The following PNP variants were observed in gnomAD, a reference collection of about 807,000 sequenced individuals.
PNP encodes the protein HEL-S-156an.
Under a neutral mutation model 26.8 loss-of-function variants are expected in PNP, and 18 were observed. The ratio of observed to expected loss-of-function variants is 0.67; its 90% CI spans 0.46 to 1.00. The LOEUF (loss-of-function observed/expected upper bound fraction) is 1.00, where lower values mean the gene tolerates loss of function less well. Among genes scored for constraint, PNP ranks in the 50% least tolerant of loss-of-function variants. The pLI, the probability that PNP is intolerant of heterozygous loss-of-function variation, is 0.00. For synonymous variants in PNP, 116 were observed against 124.8 expected (o/e 0.93, Z 0.47); for missense variants, 320 against 362.9 (o/e 0.88, Z 0.96).
At chr14:20,474,321 A>T in intron 2 of PNP, 151 bp from the exon 3 acceptor site, 2 of 704,102 alleles carry the variant, frequency 2.8e-6, no homozygotes, top group South Asian at 1.6e-5. Context: ...CACCAGACTT[A>T]AACTTTCTGA....
At chr14:20,470,488 G>A (rs1399618706) in intron 1 of PNP, 1 of 152,158 alleles carries the variant, frequency 6.6e-6, no homozygotes, top group Non-Finnish European at 1.5e-5. Flanking sequence ...CTGGTTTCCC[G>A]GGCTCTGCTT....
At position 20,475,265 on chromosome 14, in the gene PNP, A is replaced by G; in HGVS notation, c.652+13A>G. ...GCAGACGCTGTTGGTGAGAAGGGGA[A>G]TTTGGCTGGAAGCTTGAAGAGGGAG... On this transcript the variant is annotated intron_variant, in intron 5 of 5. Coordinates refer to ENST00000361505, the MANE Select transcript of PNP (RefSeq NM_000270.4). 6.2e-7 allele frequency: 1 copy of G among 1,608,662 alleles called. No individual in the cohort carries two copies. The highest frequency in any genetic ancestry group is 2.2e-5 in the East Asian group (1 of 44,752).
At chr14:20,472,075 C>G (rs1182493648) in intron 1 of PNP, among the ~76,000 whole-genome samples, 6 of 152,172 alleles carry the variant, frequency 3.9e-5, no homozygotes, top group African/African-American at 1.4e-4. Flanking sequence ...GCTTTATTAA[C>G]TTTTGCCAGG....
intron 1 of PNP, among the ~76,000 whole-genome samples, chr14:20,471,597 G>C (rs1881989784): frequency 6.6e-6 from 1 of 152,028 alleles, no homozygotes; most frequent in Admixed American, 6.6e-5. Context: ...TTTTTGTCTG[G>C]AATTAACCCC....
At chr14:20,470,525 C>T (rs931384937) in intron 1 of PNP, 2 of 152,164 alleles carry the variant, frequency 1.3e-5, no homozygotes, top group African/African-American at 4.8e-5. Flanking sequence ...CCTGTGAAAG[C>T]TTGGTTAGTT....
intron 3 of PNP, 46 bp from the exon 4 acceptor site, chr14:20,474,726 GA>G: frequency 6.2e-7 from 1 of 1,601,490 alleles, no homozygotes; most frequent in Non-Finnish European, 8.5e-7. Context: ...CAGTGTAGCT[GA>G]ATTAATGAAA....
Position 20,472,446 on chromosome 14 carries a change from C to G in PNP, c.150C>G (p.Tyr50Ter), listed in dbSNP as rs776910388. 6.2e-7 allele frequency: 1 copy of G among 1,614,014 alleles called. No individual in the cohort carries two copies. Among genetic ancestry groups the G allele is most frequent in the Non-Finnish European group, 8.5e-7 (1 of 1,179,904 alleles). ...DKLTQAQIFD[Y>*]GEIPNFPRST... ...TAACTCAGGCCCAGATCTTTGACTA[C>G]GGTGAAATCCCCAACTTTCCCCGAA... Residue 50 changes from tyrosine to a stop codon, truncating the protein, a stop_gained, in exon 2 of 6, where the codon TAC (tyrosine) becomes TAG (stop). Transcript: ENST00000361505. LOFTEE classifies it high-confidence loss of function.
intron 2 of PNP, 65 bp downstream of exon 2, chr14:20,472,542 C>A: frequency 1.4e-6 from 2 of 1,448,492 alleles, no homozygotes; most frequent in Non-Finnish European, 1.9e-6. Context: ...GGAACACAAC[C>A]AAGGAGGCCA....
chr14:20,472,849 AT>A (rs892480808), intron 2 of PNP: 134 of 241,428 alleles, frequency 5.6e-4, no homozygotes, highest in Middle Eastern at 1.6e-3. Context: ...AGAGTTAAGA[AT>A]TTTTTTTTAA....
At chr14:20,470,370 C>G (rs1881962523) in intron 1 of PNP, among the ~76,000 whole-genome samples, 1 of 152,226 alleles carries the variant, frequency 6.6e-6, no homozygotes. Context: ...TAACATTTTA[C>G]CAGCTTAATT....
Position 20,469,547 on chromosome 14 carries a change from A to C in PNP, c.11+12A>C. 6.4e-7 allele frequency: 1 copy of C among 1,554,738 alleles called. No homozygotes were observed. Among genetic ancestry groups the C allele is most frequent in the Non-Finnish European group, 8.7e-7 (1 of 1,149,284 alleles). On this transcript the variant is annotated intron_variant, in intron 1 of 5. Coordinates refer to ENST00000361505, the MANE Select transcript of PNP (RefSeq NM_000270.4). ...ACCATGGAGAACGGGTGAGGAGGGCACCAGGCCCGCAGGACCCTTGGGGAG... is the reference window on the plus strand; with the variant it reads ...ACCATGGAGAACGGGTGAGGAGGGCCCCAGGCCCGCAGGACCCTTGGGGAG...
At chr14:20,469,770 G>C in intron 1 of PNP, 1 of 639,178 alleles carries the variant, frequency 1.6e-6, no homozygotes, top group Non-Finnish European at 2.8e-6. Flanking sequence ...AGCAGGAAGG[G>C]GACAGGTCGG....
chr14:20,471,296 A>G (rs1451029381), intron 1 of PNP, among the ~76,000 whole-genome samples: 2 of 139,768 alleles, frequency 1.4e-5, no homozygotes, highest in African/African-American at 5.4e-5. Context: ...TGATCCGCCC[A>G]CCTCGGCCTC....
intron 1 of PNP, among the ~76,000 whole-genome samples, chr14:20,470,038 C>T (rs1382713986): frequency 1.3e-5 from 2 of 152,190 alleles, no homozygotes; most frequent in Non-Finnish European, 2.9e-5. Context: ...TCCCTTCCTT[C>T]CAGACTGGCA....
intron 1 of PNP, among the ~76,000 whole-genome samples, chr14:20,471,210 T>G (rs1387792788): frequency 6.9e-6 from 1 of 143,918 alleles, no homozygotes; most frequent in Non-Finnish European, 1.5e-5. Context: ...TTTTTTTTTT[T>G]TTTTTTTTTT....
intron 5 of PNP, among the ~76,000 whole-genome samples, 154 bp downstream of exon 5, chr14:20,475,406 A>G (rs17881184): frequency 3.3e-5 from 5 of 152,246 alleles, no homozygotes; most frequent in Admixed American, 3.3e-4. Flanking sequence ...CAAACTGGTG[A>G]GATTTGGTGT....
Position 20,477,062 on chromosome 14 carries a change from TGTC to T in PNP, c.*462_*464del. 1 of 210,256 alleles carries T rather than the reference TGTC, an allele frequency of 4.8e-6. No homozygotes were observed. The allele number at this position is 210,256 out of a possible 1,614,324, so 13.0% of individuals were successfully genotyped here. Reference sequence around the variant, plus strand: ...TGGATTTTATTTAATGTCATAATGTTGTCAGAATAAAGAGAAAGATGAAATAAT... The same window carrying T: ...TGGATTTTATTTAATGTCATAATGTTAGAATAAAGAGAAAGATGAAATAAT... On this transcript the variant is annotated 3_prime_UTR_variant, in exon 6 of 6. Transcript: ENST00000361505.
At chr14:20,475,413 G>A (rs565682094) in intron 5 of PNP, among the ~76,000 whole-genome samples, 161 bp downstream of exon 5, 33 of 152,308 alleles carry the variant, frequency 2.2e-4, no homozygotes, top group African/African-American at 7.7e-4. Context: ...GTGAGATTTG[G>A]TGTAGCATCA....
chr14:20,473,878 A>G (rs1248301661), intron 2 of PNP: 1 of 152,858 alleles, frequency 6.5e-6, no homozygotes, highest in African/African-American at 2.4e-5. Context: ...TTTAATTTTA[A>G]TTTTTATAGA....
Sources: gnomAD v4.1 joint callset for allele counts (sites outside exome capture counted in the v4.1 genomes callset) on GRCh38, gnomAD v4.1.1 for gene constraint, MANE v1.5 for transcripts, NCBI Gene and HGNC (gene_info 2026-07-23, HGNC 2026-07-21) for gene names.